The following JAZF1 variants were observed in gnomAD, a reference collection of about 807,000 sequenced individuals.
JAZF1 encodes JAZF zinc finger 1, also known as juxtaposed with another zinc finger protein 1.
In JAZF1, 8 loss-of-function variants were observed where a neutral mutation model predicts 26.4. The ratio of observed to expected loss-of-function variants is 0.30; its 90% CI spans 0.18 to 0.55. The LOEUF (loss-of-function observed/expected upper bound fraction) is 0.55. JAZF1 is among the 20% of genes least tolerant of loss of function. The pLI is 0.94. For synonymous variants in JAZF1, 126 were observed against 122.3 expected, an observed-to-expected ratio of 1.03 and a Z score of -0.20; for missense variants, 199 against 322.0, an observed-to-expected ratio of 0.62 and a Z score of 2.92.
intron 3 of JAZF1, among the ~76,000 whole-genome samples, chr7:27,880,930 C>T (rs1261298403): frequency 1.9e-4 from 29 of 152,210 alleles, no homozygotes; most frequent in Admixed American, 1.9e-3. Context: ...CTGCCTTGGC[C>T]TCCCAAATTG....
intron 1 of JAZF1, among the ~76,000 whole-genome samples, chr7:28,027,431 T>TTTAAAATG (rs1426829356): frequency 8.5e-5 from 13 of 152,198 alleles, no homozygotes; most frequent in Admixed American, 8.5e-4. Context: ...TAGGTGACAT[T>TTTAAAATG]TTAAAATGTC....
At chr7:28,166,728 G>T (rs1783373930) in intron 1 of JAZF1, among the ~76,000 whole-genome samples, 1 of 152,096 alleles carries the variant, frequency 6.6e-6, no homozygotes, top group Non-Finnish European at 1.5e-5. Flanking sequence ...CTTAAATCTG[G>T]ATAAACAATA....
chr7:27,868,979 T>A (rs926477077), intron 3 of JAZF1, among the ~76,000 whole-genome samples: 20 of 152,176 alleles, frequency 1.3e-4, no homozygotes, highest in Non-Finnish European at 2.9e-5. Flanking sequence ...TTTCCTCCAC[T>A]CTTGTCCTTT....
chr7:28,069,319 T>C (rs944519430), intron 1 of JAZF1, among the ~76,000 whole-genome samples: 3 of 152,230 alleles, frequency 2.0e-5, no homozygotes, highest in African/African-American at 7.2e-5. Context: ...AGCTGTATTA[T>C]ATTTTAACCT....
chr7:28,125,618 A>AGGG (rs1782681180), intron 1 of JAZF1, among the ~76,000 whole-genome samples: 1 of 152,178 alleles, frequency 6.6e-6, no homozygotes, highest in African/African-American at 2.4e-5. Flanking sequence ...GACAATGCTG[A>AGGG]TACAAAAAAT....
intron 3 of JAZF1, among the ~76,000 whole-genome samples, chr7:27,868,670 C>G (rs780555114): frequency 3.3e-5 from 5 of 152,222 alleles, no homozygotes; most frequent in Non-Finnish European, 5.9e-5. Context: ...AGCATTAACT[C>G]TGGCAGTGAG....
rs116686478 is a variant in JAZF1, at chr7:27,841,002, C to T, written c.386-135G>A. The T allele has an allele frequency of 1.2e-3, 928 of 796,250 alleles. 9 individuals carry two copies. The African/African-American group carries it at 0.015, about 13-fold the overall frequency. 49.3% of individuals were successfully genotyped at this position (796,250 alleles called of 1,614,324 possible). ...CCCAGGGAGAGGGCACTCCCGGCAC[C>T]AGGGGACTGCAAACACGGCTATTCC... On this transcript the variant is annotated intron_variant, in intron 3 of 4. Transcript: ENST00000283928.
rs1785009926 is a variant in JAZF1, at chr7:27,951,667, A to C, written c.188+40242T>G. 2.0e-5 allele frequency among the ~76,000 whole-genome samples: 3 copies of C among 152,210 alleles called. No homozygotes were observed. In the South Asian group the frequency reaches 6.2e-4, roughly 32 times the overall value. On this transcript the variant is annotated intron_variant, in intron 2 of 4. Transcript: ENST00000283928. ...GGTCCTGATGTTGGTGCTTATACTC[A>C]ACAATTCTTCCAAAGGCAGAGAACC...
intron 1 of JAZF1, among the ~76,000 whole-genome samples, chr7:28,152,371 A>T (rs1259026476): frequency 1.3e-5 from 2 of 152,180 alleles, no homozygotes; most frequent in African/African-American, 4.8e-5. Flanking sequence ...CTTACTACTC[A>T]TGAAACCCTG....
chr7:28,057,665 A>C (rs1783734025), intron 1 of JAZF1, among the ~76,000 whole-genome samples: 1 of 152,218 alleles, frequency 6.6e-6, no homozygotes, highest in Non-Finnish European at 1.5e-5. Flanking sequence ...TAAGCTACTT[A>C]GGTCTTTGTA....
chr7:28,178,275 A>T (rs1287325197), intron 1 of JAZF1, among the ~76,000 whole-genome samples: 2 of 152,146 alleles, frequency 1.3e-5, no homozygotes, highest in Non-Finnish European at 2.9e-5. Context: ...AAACCTCATG[A>T]TTCACCAAGT....
intron 1 of JAZF1, among the ~76,000 whole-genome samples, chr7:28,088,778 C>T (rs1466387702): frequency 1.3e-5 from 2 of 152,158 alleles, no homozygotes; most frequent in Non-Finnish European, 2.9e-5. Context: ...ATTCTGTTGT[C>T]CCTTGTGTTT....
intron 3 of JAZF1, chr7:27,843,242 C>T (rs1393787462): frequency 6.6e-6 from 1 of 152,244 alleles, no homozygotes; most frequent in Non-Finnish European, 1.5e-5. Context: ...ACAAGATGGA[C>T]TTTTGTTTAT....
chr7:28,165,318 G>A (rs1393906022), intron 1 of JAZF1, among the ~76,000 whole-genome samples: 2 of 152,026 alleles, frequency 1.3e-5, no homozygotes, highest in African/African-American at 4.8e-5. Flanking sequence ...AGTAAATAGA[G>A]CTTTTAGAAT....
intron 1 of JAZF1, among the ~76,000 whole-genome samples, chr7:28,168,209 C>T (rs772667441): frequency 5.3e-5 from 8 of 151,886 alleles, no homozygotes; most frequent in East Asian, 1.9e-4. Context: ...GGTGAAACTC[C>T]GTCTCCACTA....
intron 2 of JAZF1, among the ~76,000 whole-genome samples, chr7:27,931,610 G>GT (rs1363437140): frequency 6.6e-6 from 1 of 152,128 alleles, no homozygotes; most frequent in Non-Finnish European, 1.5e-5. Context: ...AGGGTCAGGA[G>GT]TTTGAGACCA....
At chr7:28,084,754 G>A (rs1450036802) in intron 1 of JAZF1, among the ~76,000 whole-genome samples, 3 of 152,182 alleles carry the variant, frequency 2.0e-5, no homozygotes, top group South Asian at 4.1e-4. Context: ...TCACACAAGA[G>A]GCAATTTATG....
intron 3 of JAZF1, among the ~76,000 whole-genome samples, chr7:27,853,429 G>A (rs1410710638): frequency 6.6e-6 from 1 of 152,122 alleles, no homozygotes; most frequent in East Asian, 1.9e-4. Context: ...TGGTGTGTCT[G>A]CATGATCCTA....
chr7:28,117,657 C>T (rs1332591100), intron 1 of JAZF1, among the ~76,000 whole-genome samples: 1 of 152,186 alleles, frequency 6.6e-6, no homozygotes, highest in African/African-American at 2.4e-5. Context: ...TGTGTGTAGA[C>T]AGCAACCTAG....
Sources: allele counts gnomAD v4.1 joint callset (sites outside exome capture counted in the v4.1 genomes callset), GRCh38; gene constraint gnomAD v4.1.1; transcripts MANE v1.5; gene names NCBI Gene and HGNC (gene_info 2026-07-23, HGNC 2026-07-21).